DDHD1: variants seen among roughly 807,000 people sequenced by gnomAD.
The protein encoded by DDHD1 is DDHD domain containing 1, also known as phospholipase DDHD1.
In DDHD1, 49 loss-of-function variants were observed where a neutral mutation model predicts 96.4. That is an observed-to-expected ratio of 0.51 (90% confidence interval 0.40 to 0.64). The LOEUF is 0.64. Among genes scored for constraint, DDHD1 ranks in the 30% least tolerant of loss-of-function variants. The probability of loss-of-function intolerance (pLI) is 0.00; values close to 1 mark genes in which losing one functional copy is unlikely to be tolerated. For synonymous variants in DDHD1, 442 were observed against 446.5 expected, an observed-to-expected ratio of 0.99 and a Z score of 0.13; for missense variants, 1,106 against 1,161.2, an observed-to-expected ratio of 0.95 and a Z score of 0.69.
Position 53,055,780 on chromosome 14 carries a change from G to T in DDHD1, c.2125C>A (p.Pro709Thr). The T allele has an allele frequency of 6.2e-7, 1 of 1,614,066 alleles. No homozygotes were observed. The change falls in exon 10 of 13, where the codon CCT becomes ACT. Residue 709 changes from proline (P) to threonine (T), a missense_variant. Pro to Thr is a conservative substitution (Grantham distance 38). Around this residue, in one of 2 missense-constraint regions of DDHD1, gnomAD observed 650 missense variants for 758.8 expected, o/e 0.86. Transcript: ENST00000673822. ...KPSFLNPAKE[P>T]TSVSENEGIS... ...CCTTCATTCTCTGAAACTGAGGTAGGTTCTTTAGCTGGGTTGAGAAAGCTT... is the reference window on the plus strand; with the variant it reads ...CCTTCATTCTCTGAAACTGAGGTAGTTTCTTTAGCTGGGTTGAGAAAGCTT...
intron 4 of DDHD1, among the ~76,000 whole-genome samples, chr14:53,083,443 T>A (rs1025355981): frequency 6.6e-6 from 1 of 152,220 alleles, no homozygotes; most frequent in African/African-American, 2.4e-5. Flanking sequence ...AGTAAACTAA[T>A]TCTGACATTC....
Position 53,055,672 on chromosome 14 carries a change from C to T in DDHD1, c.2233G>A (p.Ala745Thr). 2 of 1,614,024 alleles carry T rather than the reference C, an allele frequency of 1.2e-6. No homozygotes were observed. Among genetic ancestry groups the T allele is most frequent in the Non-Finnish European group, 1.7e-6 (2 of 1,179,952 alleles). The change falls in exon 10 of 13, where the codon GCA (alanine) becomes ACA (threonine). Residue 745 changes from alanine to threonine, a missense_variant. By Grantham distance (58) the Ala-to-Thr change is moderately conservative. Coordinates refer to ENST00000673822, the MANE Select transcript of DDHD1 (RefSeq NM_001160148.2). ...YGESITNIGK[A>T]SILGAASIGK... ...TAAGAGAAATTACCTAATATGCTTG[C>T]TTTGCCTATATTTGTTATAGATTCT...
intron 1 of DDHD1, among the ~76,000 whole-genome samples, chr14:53,114,176 T>G (rs1355918975): frequency 5.9e-5 from 9 of 152,196 alleles, no homozygotes. Flanking sequence ...AGATTCCTCC[T>G]CACTGGGCGG....
chr14:53,150,086 T>C (rs906189717), intron 1 of DDHD1: 1 of 152,162 alleles, frequency 6.6e-6, no homozygotes, highest in African/African-American at 2.4e-5. Context: ...CTCACATACT[T>C]TGGTCTCTGT....
intron 2 of DDHD1, among the ~76,000 whole-genome samples, chr14:53,101,581 A>G (rs1379654118): frequency 2.0e-5 from 3 of 152,058 alleles, no homozygotes; most frequent in South Asian, 2.1e-4. Flanking sequence ...TTACTACTCC[A>G]TGTATATCCA....
intron 1 of DDHD1, among the ~76,000 whole-genome samples, chr14:53,144,530 T>C (rs753958004): frequency 6.6e-6 from 1 of 152,246 alleles, no homozygotes; most frequent in East Asian, 1.9e-4. Context: ...TTCCTACAAC[T>C]GTCTTTTGAT....
chr14:53,153,233 AGCGGCGACC>A lies in DDHD1; in HGVS notation c.-144_-136del. On this transcript the variant is annotated 5_prime_UTR_variant, in exon 1 of 13. Coordinates refer to ENST00000673822, the MANE Select transcript of DDHD1 (RefSeq NM_001160148.2). The stretch of plus-strand genomic sequence containing the variant: ...AAATCCCGACCCGAGCTGCGGCGGC[AGCGGCGACC>A]GCTCCGCCCCCACGAGACCCGCAGC... The A allele has an allele frequency of 1.3e-6, 1 of 774,726 alleles. No homozygotes were observed. 48.0% of individuals were successfully genotyped at this position (774,726 alleles called of 1,614,324 possible).
intron 4 of DDHD1, 106 bp downstream of exon 4, chr14:53,091,679 C>T: frequency 8.1e-7 from 1 of 1,241,006 alleles, no homozygotes. Context: ...ATAGTTGGCA[C>T]TGGAGGAACA....
At position 53,051,827 on chromosome 14, in the gene DDHD1, C is replaced by A. The variant is rs778698846; in HGVS notation, c.2521+17G>T. ...TTTTTATAGTATTCTGAATGCTATT[C>A]CTGACATATACCATACCGAGGGCAT... On this transcript the variant is annotated intron_variant, in intron 12 of 12. Transcript: ENST00000673822. 5.1e-6 allele frequency: 8 copies of A among 1,558,038 alleles called. No homozygotes were observed. The highest frequency in any genetic ancestry group is 1.4e-5 in the African/African-American group (1 of 72,934).
At chr14:53,141,890 C>T (rs887367268) in intron 1 of DDHD1, among the ~76,000 whole-genome samples, 1 of 151,894 alleles carries the variant, frequency 6.6e-6, no homozygotes, top group Non-Finnish European at 1.5e-5. Flanking sequence ...AGCTTTCCAC[C>T]CTTCCCCCCA....
In DDHD1 at chr14:53,058,593, C is replaced by T; in HGVS notation, c.1876G>A (p.Ala626Thr). 1 of 1,613,306 alleles carries T rather than the reference C, an allele frequency of 6.2e-7. No homozygotes were observed. ...ATGCCACGCAACGCCAAGAAAACTG[C>T]TAATGGGGATCCCATACAGAAGAAA... is the stretch of plus-strand genomic sequence containing the variant. The part of the protein sequence containing the change: ...ENFFCMGSPL[A>T]VFLALRGIRP... Residue 626 changes from alanine (A) to threonine (T), a missense_variant, in exon 9 of 13, where the codon GCA (alanine) becomes ACA (threonine). Around this residue, in one of 2 missense-constraint regions of DDHD1, gnomAD observed 650 missense variants for 758.8 expected, o/e 0.86. Coordinates refer to ENST00000673822, the MANE Select transcript of DDHD1 (RefSeq NM_001160148.2).
At chr14:53,071,318 A>G (rs1768461638) in intron 6 of DDHD1, among the ~76,000 whole-genome samples, 1 of 152,168 alleles carries the variant, frequency 6.6e-6, no homozygotes, top group African/African-American at 2.4e-5. Context: ...AATGTAATTT[A>G]TCTTAAGTAC....
intron 11 of DDHD1, chr14:53,053,631 A>T (rs1487332439): frequency 6.6e-6 from 1 of 152,174 alleles, no homozygotes; most frequent in Admixed American, 6.5e-5. Context: ...AAATCTGTTT[A>T]AAAATTTCTA....
intron 1 of DDHD1, among the ~76,000 whole-genome samples, chr14:53,139,760 C>T (rs1479770868): frequency 6.6e-6 from 1 of 151,504 alleles, no homozygotes; most frequent in East Asian, 1.9e-4. Flanking sequence ...TACTCTACTG[C>T]CCACCACAAG....
rs1409015683 is a variant in DDHD1 at position 53,113,365 on chromosome 14, T to TA, written c.839-9510dup. 2.3e-3 allele frequency among the ~76,000 whole-genome samples: 250 copies of TA among 107,954 alleles called. 1 individual carries two copies. Among genetic ancestry groups the TA allele is most frequent in the Non-Finnish European group, 2.8e-3 (152 of 53,676 alleles). The allele number at this position is 107,954 out of a possible 152,430, so 70.8% of individuals were successfully genotyped here. On this transcript the variant is annotated intron_variant, in intron 1 of 12. Coordinates refer to ENST00000673822, the MANE Select transcript of DDHD1 (RefSeq NM_001160148.2). ...TTTCTTTTTCTTTTTTTTTTCTTTT[T>TA]AAAAAAAAAAACCCCTGTACAAGCC...
chr14:53,130,470 A>C (rs144352075), intron 1 of DDHD1, among the ~76,000 whole-genome samples: 4 of 152,216 alleles, frequency 2.6e-5, no homozygotes, highest in African/African-American at 9.6e-5. Flanking sequence ...CATACATTTT[A>C]TTACCCAATC....
chr14:53,140,869 G>T (rs959867727), intron 1 of DDHD1, among the ~76,000 whole-genome samples: 2 of 152,090 alleles, frequency 1.3e-5, no homozygotes, highest in Non-Finnish European at 2.9e-5. Flanking sequence ...TAAAAGGACA[G>T]GAAAAGATAC....
Position 53,091,856 on chromosome 14 carries a change from G to C in DDHD1, c.1218C>G (p.Thr406=), listed in dbSNP as rs567478837. Residue 406 remains threonine (T), a synonymous_variant, in exon 4 of 13, where the codon ACC becomes ACG. Transcript: ENST00000673822. ...ATLEDKPSQT[T]HIVFVVHGIG... is the part of the protein sequence containing the mutation. ...TGCCATGCACAACAAATACAATATG[G>C]GTAGTCTGTGATGGCTTGTCTTCTA... is the stretch of plus-strand genomic sequence containing the variant. 3 of 1,613,612 alleles carry C rather than the reference G, an allele frequency of 1.9e-6. No individual in the cohort carries two copies. The highest frequency in any genetic ancestry group is 1.7e-6 in the Non-Finnish European group (2 of 1,179,748).
chr14:53,129,630 T>C (rs562906575), intron 1 of DDHD1, among the ~76,000 whole-genome samples: 1 of 143,742 alleles, frequency 7.0e-6, no homozygotes. Context: ...AGCACCACCC[T>C]CCCGCCCATG....
Sources: gnomAD v4.1 joint callset for allele counts (sites outside exome capture counted in the v4.1 genomes callset) on GRCh38, gnomAD v4.1.1 for gene constraint, gnomAD v4.1.1 regional missense constraint, MANE v1.5 for transcripts, NCBI Gene and HGNC (gene_info 2026-07-23, HGNC 2026-07-21) for gene names.